The following GALNTL6 variants were observed in gnomAD, a reference collection of about 807,000 sequenced individuals.
The protein encoded by GALNTL6 is polypeptide N-acetylgalactosaminyltransferase-like 6.
Under a neutral mutation model 73.7 loss-of-function variants are expected in GALNTL6, and 46 were observed. The ratio of observed to expected loss-of-function variants is 0.62; its 90% CI spans 0.49 to 0.80. The LOEUF (loss-of-function observed/expected upper bound fraction) is 0.80. Ranked by LOEUF, GALNTL6 falls within the 30% of genes least tolerant of loss-of-function variation. The pLI is 0.00. For synonymous variants in GALNTL6, 259 were observed against 263.7 expected, an observed-to-expected ratio of 0.98 and a Z score of 0.17; for missense variants, 604 against 755.0, an observed-to-expected ratio of 0.80 and a Z score of 2.34.
intron 2 of GALNTL6, among the ~76,000 whole-genome samples, chr4:172,195,669 A>C (rs1164174763): frequency 1.3e-5 from 2 of 152,228 alleles, no homozygotes; most frequent in African/African-American, 4.8e-5. Flanking sequence ...GAAACTGAGC[A>C]ACCTGCTCCT....
chr4:172,461,215 TG>T (rs1470724167), intron 5 of GALNTL6, among the ~76,000 whole-genome samples: 4 of 143,460 alleles, frequency 2.8e-5, no homozygotes, highest in African/African-American at 5.2e-5. Context: ...TGGGACCTGT[TG>T]GGGGGTGGGG....
At chr4:172,044,139 C>A (rs932901890) in intron 2 of GALNTL6, among the ~76,000 whole-genome samples, 2 of 151,850 alleles carry the variant, frequency 1.3e-5, no homozygotes, top group African/African-American at 2.4e-5. Flanking sequence ...AAGAAAAGGT[C>A]AATTCTTAGT....
intron 2 of GALNTL6, among the ~76,000 whole-genome samples, chr4:171,943,905 G>A (rs771889402): frequency 2.1e-4 from 22 of 103,858 alleles, no homozygotes; most frequent in Non-Finnish European, 3.7e-4. Flanking sequence ...GAATGCAAAG[G>A]TGGTATAATT....
At position 171,813,514 on chromosome 4, in the gene GALNTL6, G is replaced by C. The variant is rs1734435242; in HGVS notation, c.-646G>C. On this transcript the variant is annotated 5_prime_UTR_variant, in exon 1 of 13. Transcript: ENST00000506823. This position sits in a 1 kb window ranked among gnomAD's most constrained non-coding sequence, Gnocchi z 5.2. ...TTCCGCTCCTCCTCGCAGCGCCCTC[G>C]TCCGCTTCCAAGCCCAGCACAGACT... 1 of 152,444 alleles carries C rather than the reference G, an allele frequency of 6.6e-6. No homozygotes were observed. Among genetic ancestry groups the C allele is most frequent in the Non-Finnish European group, 1.5e-5 (1 of 68,214 alleles). The allele number at this position is 152,444 out of a possible 1,614,324, so 9.4% of individuals were successfully genotyped here.
intron 5 of GALNTL6, among the ~76,000 whole-genome samples, chr4:172,358,955 T>C (rs1279172432): frequency 1.3e-5 from 2 of 151,212 alleles, no homozygotes; most frequent in African/African-American, 4.9e-5. Context: ...AGTTCAACTA[T>C]TGTGGAAAGC....
chr4:171,994,882 G>A (rs779755255), intron 2 of GALNTL6, among the ~76,000 whole-genome samples: 1 of 151,848 alleles, frequency 6.6e-6, no homozygotes, highest in Non-Finnish European at 1.5e-5. Context: ...AATAATGCCA[G>A]CAATGAAACT....
chr4:173,014,073 A>C (rs1408622069), intron 11 of GALNTL6, among the ~76,000 whole-genome samples: 4 of 152,218 alleles, frequency 2.6e-5, no homozygotes, highest in Non-Finnish European at 5.9e-5. Flanking sequence ...AAAATTAAAA[A>C]AAGGAAAAAA....
intron 9 of GALNTL6, among the ~76,000 whole-genome samples, chr4:172,937,887 C>G (rs536896279): frequency 6.6e-6 from 1 of 152,110 alleles, no homozygotes; most frequent in Admixed American, 6.5e-5. Context: ...TATGATGTAA[C>G]AAAAGAGAAA....
intron 5 of GALNTL6, among the ~76,000 whole-genome samples, chr4:172,468,213 T>A (rs1246466339): frequency 6.6e-6 from 1 of 152,150 alleles, no homozygotes; most frequent in Non-Finnish European, 1.5e-5. Flanking sequence ...ATACTGTGAT[T>A]TAAAATAAGC....
At chr4:172,775,591 G>A (rs1739027772) in intron 5 of GALNTL6, among the ~76,000 whole-genome samples, 1 of 152,078 alleles carries the variant, frequency 6.6e-6, no homozygotes, top group African/African-American at 2.4e-5. Context: ...CCTTAATCTA[G>A]GATTTTTTCA....
intron 5 of GALNTL6, among the ~76,000 whole-genome samples, chr4:172,701,633 G>A (rs193263822): frequency 7.2e-5 from 11 of 152,102 alleles, no homozygotes; most frequent in Admixed American, 3.3e-4. Flanking sequence ...AGTTATAATC[G>A]GAATAGGACC....
At chr4:172,198,258 T>C (rs566764989) in intron 2 of GALNTL6, among the ~76,000 whole-genome samples, 2 of 151,902 alleles carry the variant, frequency 1.3e-5, no homozygotes, top group East Asian at 3.9e-4. Context: ...TGGGATCTAA[T>C]TAAACTAAAG....
chr4:172,272,156 T>C (rs1386773122), intron 3 of GALNTL6, among the ~76,000 whole-genome samples: 1 of 152,180 alleles, frequency 6.6e-6, no homozygotes, highest in African/African-American at 2.4e-5. Context: ...GGTTTTGCCA[T>C]GTTGGCCATG....
At chr4:172,546,761 T>C (rs1488862554) in intron 5 of GALNTL6, among the ~76,000 whole-genome samples, 1 of 131,146 alleles carries the variant, frequency 7.6e-6, no homozygotes, top group Admixed American at 8.0e-5. Context: ...CTCAGGGCCT[T>C]ATTAGAGTTT....
chr4:171,821,228 G>C (rs189371599), intron 2 of GALNTL6, among the ~76,000 whole-genome samples: 9 of 151,994 alleles, frequency 5.9e-5, no homozygotes, highest in African/African-American at 2.2e-4. Flanking sequence ...TTTTTGTAGC[G>C]ACAAGGTCTC....
At chr4:172,000,757 A>T (rs1740650321) in intron 2 of GALNTL6, among the ~76,000 whole-genome samples, 1 of 152,162 alleles carries the variant, frequency 6.6e-6, no homozygotes, top group Non-Finnish European at 1.5e-5. Flanking sequence ...TGCTTAGTGC[A>T]GTCAATGAGA....
At chr4:172,392,819 A>G (rs1579028812) in intron 5 of GALNTL6, among the ~76,000 whole-genome samples, 1 of 152,128 alleles carries the variant, frequency 6.6e-6, no homozygotes, top group South Asian at 2.1e-4. Context: ...TTGTTTTCCC[A>G]TACATGAAAT....
At chr4:172,050,213 G>A (rs1013940417) in intron 2 of GALNTL6, among the ~76,000 whole-genome samples, 1 of 152,104 alleles carries the variant, frequency 6.6e-6, no homozygotes, top group African/African-American at 2.4e-5. Flanking sequence ...TGCAGCAGGA[G>A]AAAGGAAGGC....
intron 2 of GALNTL6, among the ~76,000 whole-genome samples, chr4:172,133,405 T>C (rs184141016): frequency 1.0e-3 from 157 of 152,366 alleles, no homozygotes; most frequent in African/African-American, 3.7e-3. Flanking sequence ...ATAAATAGAT[T>C]ATTCATTGTT....
Sources: gnomAD v4.1 joint callset for allele counts (sites outside exome capture counted in the v4.1 genomes callset) on GRCh38, gnomAD v4.1.1 for gene constraint, Gnocchi (gnomAD v3.1) non-coding constraint, MANE v1.5 for transcripts, NCBI Gene and HGNC (gene_info 2026-07-23, HGNC 2026-07-21) for gene names.